PCDHA5: variants seen among roughly 807,000 people sequenced by gnomAD.
The protein encoded by PCDHA5 is protocadherin alpha 5, also known as protocadherin alpha-5.
In PCDHA5, 43 loss-of-function variants were observed where a neutral mutation model predicts 61.6. That is an observed-to-expected ratio of 0.70 (90% CI 0.55 to 0.90). The LOEUF (loss-of-function observed/expected upper bound fraction) is 0.90, where lower values mean the gene tolerates loss of function less well. Among genes scored for constraint, PCDHA5 ranks in the 40% least tolerant of loss-of-function variants. The pLI is 0.00. For synonymous variants in PCDHA5, 627 were observed against 543.9 expected (o/e 1.15, Z -2.13); for missense variants, 1,298 against 1,222.7 (o/e 1.06, Z -0.92).
intron 1 of PCDHA5, chr5:140,929,361 C>T (rs115903226): frequency 3.5e-5 from 53 of 1,519,472 alleles, no homozygotes; most frequent in Middle Eastern, 1.8e-4. Context: ...TCCTTTGGCC[C>T]GGAGATGGCT....
At chr5:140,830,047 A>AGAC in intron 1 of PCDHA5, 1 of 1,613,730 alleles carries the variant, frequency 6.2e-7, no homozygotes, top group Non-Finnish European at 8.5e-7. Context: ...TGCTGGTGAA[A>AGAC]GACCACGGTG....
chr5:140,841,597 C>A, intron 1 of PCDHA5: 1 of 1,614,076 alleles, frequency 6.2e-7, no homozygotes, highest in Admixed American at 1.7e-5. Flanking sequence ...GGATCGACCG[C>A]GAGGAGCTGT....
intron 1 of PCDHA5, among the ~76,000 whole-genome samples, chr5:140,840,523 A>T (rs1554137815): frequency 6.6e-6 from 1 of 152,058 alleles, no homozygotes; most frequent in Non-Finnish European, 1.5e-5. Context: ...CAGAAGAAAG[A>T]TGAAGAACTA....
At chr5:140,921,868 T>C (rs1037750056) in intron 1 of PCDHA5, among the ~76,000 whole-genome samples, 1 of 152,016 alleles carries the variant, frequency 6.6e-6, no homozygotes, top group Non-Finnish European at 1.5e-5. Context: ...ATATATACAG[T>C]ATATATATAA....
At chr5:140,911,257 A>G (rs1423375928) in intron 1 of PCDHA5, among the ~76,000 whole-genome samples, 1 of 152,156 alleles carries the variant, frequency 6.6e-6, no homozygotes, top group African/African-American at 2.4e-5. Context: ...ATCAGAATTT[A>G]TAATCTCAGT....
chr5:140,822,964 G>C lies in PCDHA5; in HGVS notation c.1189G>C (p.Val397Leu). ...SLMPHVPFKL[V>L]STFKNYYSLV... ...AATGCCCCACGTTCCCTTCAAGCTG[G>C]TGTCCACCTTCAAGAATTACTACTC... Residue 397 changes from valine to leucine, a missense_variant, in exon 1 of 4, where the codon GTG becomes CTG. Coordinates refer to ENST00000529859, the MANE Select transcript of PCDHA5 (RefSeq NM_018908.3). 1 of 1,614,232 alleles carries C rather than the reference G, an allele frequency of 6.2e-7. No homozygotes were observed. Among genetic ancestry groups the C allele is most frequent in the Admixed American group, 1.7e-5 (1 of 60,034 alleles).
intron 1 of PCDHA5, chr5:140,861,475 G>C: frequency 4.1e-6 from 2 of 492,480 alleles, no homozygotes; most frequent in South Asian, 1.6e-5. Flanking sequence ...CTGCAGAATG[G>C]CATTTTTGTG....
At chr5:140,828,868 A>C (rs2150159901) in intron 1 of PCDHA5, 5 of 1,614,142 alleles carry the variant, frequency 3.1e-6, no homozygotes, top group Non-Finnish European at 1.7e-6. Flanking sequence ...ACAACGGAAC[A>C]ACAGTTATCA....
chr5:141,011,085 T>C lies in PCDHA5; in HGVS notation c.*1148T>C, dbSNP rs2098419298. The C allele has an allele frequency of 6.5e-6, 1 of 153,776 alleles. No homozygotes were observed. Among genetic ancestry groups the C allele is most frequent in the Non-Finnish European group, 1.5e-5 (1 of 68,046 alleles). The allele number at this position is 153,776 out of a possible 1,614,324, so 9.5% of individuals were successfully genotyped here. A position where few individuals can be genotyped will look rare whatever the true frequency, so the allele number is the denominator to read the frequency against. ...ATGTATTACTAAATAAAATGATCTC[T>C]CTTTCTCTCTCTCTCTCTCTTTTCT... On this transcript the variant is annotated 3_prime_UTR_variant, in exon 4 of 4. Transcript: ENST00000529859.
intron 3 of PCDHA5, among the ~76,000 whole-genome samples, chr5:141,003,969 G>A (rs781827494): frequency 2.0e-5 from 3 of 152,158 alleles, no homozygotes; most frequent in Non-Finnish European, 4.4e-5. Flanking sequence ...GAGCATAAGG[G>A]AGGGGACTTG....
At chr5:140,926,754 C>G in intron 1 of PCDHA5, 1 of 1,283,492 alleles carries the variant, frequency 7.8e-7, no homozygotes, top group South Asian at 2.2e-5. Flanking sequence ...TCGGCGGTCG[C>G]TGAGTATCCA....
Position 140,886,556 on chromosome 5 carries a change from G to A in PCDHA5, c.2352+62429G>A, listed in dbSNP as rs368447778. On this transcript the variant is annotated intron_variant, in intron 1 of 3. Coordinates refer to ENST00000529859, the MANE Select transcript of PCDHA5 (RefSeq NM_018908.3). ...TAGAAAGGTCTTCCCAGCTGGGCACGGTGGCTCACGCCTGTAATCCCAGCA... is the reference window on the plus strand; with the variant it reads ...TAGAAAGGTCTTCCCAGCTGGGCACAGTGGCTCACGCCTGTAATCCCAGCA... Among the ~76,000 whole-genome samples, 30 of 151,832 alleles carry A rather than the reference G, an allele frequency of 2.0e-4. No individual in the cohort carries two copies. The East Asian group carries it at 5.5e-3, about 28-fold the overall frequency.
At position 140,968,051 on chromosome 5, in the gene PCDHA5, C is replaced by A. The variant is rs1353005851; in HGVS notation, c.2353-10898C>A. On this transcript the variant is annotated intron_variant, in intron 1 of 3. Transcript: ENST00000529859. ...ACTGGTGGTGAGCGGCCCACTGGACCGAGAGCGGGTGGCTGTCTACAACAT... is the reference window on the plus strand; with the variant it reads ...ACTGGTGGTGAGCGGCCCACTGGACAGAGAGCGGGTGGCTGTCTACAACAT... The A allele has an allele frequency of 1.9e-6, 3 of 1,614,018 alleles. No homozygotes were observed. The Admixed American group carries it at 5.0e-5, about 27-fold the overall frequency.
At chr5:140,999,795 T>C (rs1222111677) in intron 3 of PCDHA5, among the ~76,000 whole-genome samples, 3 of 152,224 alleles carry the variant, frequency 2.0e-5, no homozygotes, top group Non-Finnish European at 4.4e-5. Context: ...GGCAGAGTTA[T>C]TTTGGGCACA....
intron 1 of PCDHA5, among the ~76,000 whole-genome samples, chr5:140,904,941 G>A (rs782716792): frequency 7.2e-5 from 11 of 152,102 alleles, no homozygotes; most frequent in Admixed American, 3.9e-4. Context: ...CTGGATATTA[G>A]TCCTTTGTCT....
At position 140,967,913 on chromosome 5, in the gene PCDHA5, A is replaced by G. The variant is rs548732358; in HGVS notation, c.2353-11036A>G. 3.7e-6 allele frequency: 6 copies of G among 1,614,184 alleles called. No homozygotes were observed. The highest frequency in any genetic ancestry group is 1.3e-5 in the African/African-American group (1 of 75,042). ...GCCTGAGAATGCTACACCCAACACC[A>G]TTGTGGCCGTTCTCAGTGTCAATGA... On this transcript the variant is annotated intron_variant, in intron 1 of 3. Transcript: ENST00000529859.
intron 1 of PCDHA5, among the ~76,000 whole-genome samples, chr5:140,938,842 G>T (rs2092225940): frequency 1.3e-5 from 2 of 151,980 alleles, no homozygotes; most frequent in African/African-American, 4.8e-5. Context: ...TAACAAACCT[G>T]CCCATGTACC....
chr5:140,926,757 A>T, intron 1 of PCDHA5: 1 of 1,278,278 alleles, frequency 7.8e-7, no homozygotes, highest in Non-Finnish European at 1.0e-6. Flanking sequence ...GCGGTCGCTG[A>T]GTATCCAGCC....
At chr5:141,003,441 A>G (rs184470683) in intron 3 of PCDHA5, among the ~76,000 whole-genome samples, 25 of 152,240 alleles carry the variant, frequency 1.6e-4, no homozygotes, top group Non-Finnish European at 1.5e-5. Flanking sequence ...CCTCCCAAGT[A>G]GATGAAATTA....
Sources: gnomAD v4.1 joint callset for allele counts (sites outside exome capture counted in the v4.1 genomes callset) on GRCh38, gnomAD v4.1.1 for gene constraint, MANE v1.5 for transcripts, NCBI Gene and HGNC (gene_info 2026-07-23, HGNC 2026-07-21) for gene names.